Variants in WDR26 observed in about 807,000 individuals in gnomAD.
WDR26 encodes the protein WD repeat domain 26.
Under a neutral mutation model 84.1 loss-of-function variants are expected in WDR26, and 5 were observed. The ratio of observed to expected loss-of-function variants is 0.06; its 90% CI spans 0.03 to 0.13. The LOEUF (loss-of-function observed/expected upper bound fraction) is 0.13, where lower values mean the gene tolerates loss of function less well. WDR26 is among the 10% of genes least tolerant of loss of function. WDR26 has a pLI of 1.00. For missense variants in WDR26, 642 were observed against 974.9 expected (o/e 0.66, Z 4.55); for synonymous variants, 415 against 389.6 (o/e 1.07, Z -0.77).
chr1:224,432,997 GATC>G (rs1674443026), intron 1 of WDR26, among the ~76,000 whole-genome samples: 1 of 152,156 alleles, frequency 6.6e-6, no homozygotes, highest in African/African-American at 2.4e-5. Flanking sequence ...TTTCAGAGGC[GATC>G]ATCTTCTTGG....
chr1:224,415,075 A>G (rs540062737), intron 6 of WDR26, among the ~76,000 whole-genome samples: 2 of 152,214 alleles, frequency 1.3e-5, no homozygotes, highest in Non-Finnish European at 2.9e-5. Flanking sequence ...GTTTAGCAAT[A>G]AAGGGCATAA....
At chr1:224,415,902 T>C (rs766328187) in intron 6 of WDR26, among the ~76,000 whole-genome samples, 1 of 152,224 alleles carries the variant, frequency 6.6e-6, no homozygotes. Context: ...AAGGTGAAGA[T>C]ATAGGCTGGA....
chr1:224,409,723 C>T (rs753494054), intron 7 of WDR26, among the ~76,000 whole-genome samples: 8 of 151,514 alleles, frequency 5.3e-5, no homozygotes, highest in Non-Finnish European at 1.0e-4. Context: ...ATTAGCTGGG[C>T]GTCGTGGTGC....
chr1:224,390,257 C>T (rs10127953), intron 13 of WDR26, among the ~76,000 whole-genome samples: 42,254 of 152,020 alleles, frequency 0.28, 7,192 homozygotes, highest in African/African-American at 0.47. Flanking sequence ...GTAGCCAGGA[C>T]TACAGGCACA....
chr1:224,434,135 T>C lies in WDR26; in HGVS notation c.271A>G (p.Ser91Gly). 2.1e-6 allele frequency: 3 copies of C among 1,419,528 alleles called. No homozygotes were observed. Among genetic ancestry groups the C allele is most frequent in the Non-Finnish European group, 9.2e-7 (1 of 1,090,164 alleles). The allele number at this position is 1,419,528 out of a possible 1,614,324, so 87.9% of individuals were successfully genotyped here. The change falls in exon 1 of 14, where the codon AGC (serine) becomes GGC (glycine). Residue 91 changes from serine (S) to glycine (G), a missense_variant. By Grantham distance (56) the Ser-to-Gly change is moderately conservative. Transcript: ENST00000414423. ...CTGCCGCTGACCAGGCTGTGGCCGC[T>C]ACTTCGGTGGGGGACAGCAGCGGCG...
intron 8 of WDR26, among the ~76,000 whole-genome samples, chr1:224,402,597 T>C (rs544007986): frequency 1.7e-4 from 26 of 152,334 alleles, no homozygotes; most frequent in Admixed American, 7.8e-4. Flanking sequence ...ACAGTTTAAT[T>C]GGTCAAAGGA....
intron 4 of WDR26, 81 bp from the exon 5 acceptor site, chr1:224,419,696 G>C (rs1056289611): frequency 4.6e-6 from 5 of 1,090,148 alleles, no homozygotes; most frequent in Admixed American, 1.8e-5. Flanking sequence ...TGACCATCTG[G>C]CTATCTGCTT....
chr1:224,422,876 A>C (rs1674104559), intron 4 of WDR26, among the ~76,000 whole-genome samples: 1 of 152,240 alleles, frequency 6.6e-6, no homozygotes, highest in African/African-American at 2.4e-5. Flanking sequence ...CATACATGTC[A>C]AAGTTAAAAG....
intron 8 of WDR26, among the ~76,000 whole-genome samples, chr1:224,401,819 G>A (rs935869050): frequency 6.6e-6 from 1 of 151,384 alleles, no homozygotes; most frequent in Non-Finnish European, 1.5e-5. Flanking sequence ...GGTAGAAAGA[G>A]AGAAAAAAAC....
At chr1:224,410,215 A>T (rs1673696093) in intron 7 of WDR26, among the ~76,000 whole-genome samples, 1 of 140,230 alleles carries the variant, frequency 7.1e-6, no homozygotes, top group African/African-American at 2.7e-5. Context: ...CAGGAGGTGG[A>T]GGTTGCAGTG....
chr1:224,402,992 G>A (rs1022093534), intron 8 of WDR26, among the ~76,000 whole-genome samples: 2 of 151,932 alleles, frequency 1.3e-5, no homozygotes, highest in African/African-American at 4.8e-5. Flanking sequence ...AGTATTTAGG[G>A]TAAGATATCT....
Position 224,419,576 on chromosome 1 carries a change from T to A in WDR26, c.1104A>T (p.Lys368Asn). The change falls in exon 5 of 14, where the codon AAA becomes AAT. Residue 368 changes from lysine to asparagine, a missense_variant. This residue lies in a region of WDR26 where 351 missense variants were observed against 672.8 expected (regional missense o/e 0.52). Coordinates refer to ENST00000414423, the MANE Select transcript of WDR26 (RefSeq NM_001379403.1). ...CTGTCCCTTTGCCTTCCCATTCTGC[T>A]TTTGCACGTAGGTCTTCTGCATGGC... The A allele has an allele frequency of 1.9e-6, 3 of 1,614,114 alleles. No homozygotes were observed. The highest frequency in any genetic ancestry group is 2.5e-6 in the Non-Finnish European group (3 of 1,179,984).
In WDR26 at chr1:224,433,791, C is replaced by A. The variant is rs1407423971; in HGVS notation, c.615G>T (p.Leu205Phe). The A allele has an allele frequency of 6.5e-7, 1 of 1,536,852 alleles. No homozygotes were observed. The highest frequency in any genetic ancestry group is 8.7e-7 in the Non-Finnish European group (1 of 1,146,814). Reference sequence around the variant, plus strand: ...GGCTGCTGCCCAGTTCTGGGGTGGCCAAGGAAGAGGAGGCGGCGGTGGTGG... The same window carrying A: ...GGCTGCTGCCCAGTTCTGGGGTGGCAAAGGAAGAGGAGGCGGCGGTGGTGG... The change falls in exon 1 of 14, where the codon TTG becomes TTT. Residue 205 changes from leucine to phenylalanine, a missense_variant. Physicochemically the swap from Leu to Phe is conservative, Grantham distance 22. Around this residue, in one of 2 missense-constraint regions of WDR26, gnomAD observed 291 missense variants for 302.1 expected, o/e 0.96. Transcript: ENST00000414423.
intron 13 of WDR26, among the ~76,000 whole-genome samples, 198 bp from the exon 14 acceptor site, chr1:224,390,058 C>G (rs1341364130): frequency 2.6e-5 from 4 of 152,102 alleles, no homozygotes; most frequent in African/African-American, 9.7e-5. Flanking sequence ...TGTCTTAGAC[C>G]ATATATTATG....
intron 13 of WDR26, among the ~76,000 whole-genome samples, chr1:224,390,958 T>C (rs923266519): frequency 2.0e-4 from 31 of 152,206 alleles, no homozygotes; most frequent in African/African-American, 6.3e-4. Context: ...GTCTAGACTA[T>C]TTCATATAAA....
chr1:224,405,287 T>C (rs1279778613), intron 7 of WDR26, among the ~76,000 whole-genome samples: 2 of 152,254 alleles, frequency 1.3e-5, no homozygotes, highest in Non-Finnish European at 2.9e-5. Context: ...CTGAATAATA[T>C]TTAACAGTAT....
At chr1:224,405,238 G>A (rs955480932) in intron 7 of WDR26, among the ~76,000 whole-genome samples, 5 of 152,100 alleles carry the variant, frequency 3.3e-5, no homozygotes, top group Non-Finnish European at 4.4e-5. Flanking sequence ...GGGTTCATCC[G>A]TGTTATAGAA....
Position 224,386,263 on chromosome 1 carries a change from G to C in WDR26, c.*3572C>G, listed in dbSNP as rs1191869834. On this transcript the variant is annotated 3_prime_UTR_variant, in exon 14 of 14. Coordinates refer to ENST00000414423, the MANE Select transcript of WDR26 (RefSeq NM_001379403.1). ...TGTTGGAGGGCAACCCAAAAGGACA[G>C]TTGCGAAATTATGAATGAGAAATTA... 1.3e-5 allele frequency: 2 copies of C among 152,576 alleles called. No individual in the cohort carries two copies. Among genetic ancestry groups the C allele is most frequent in the Non-Finnish European group, 2.9e-5 (2 of 68,006 alleles). The allele number at this position is 152,576 out of a possible 1,614,324, so 9.5% of individuals were successfully genotyped here. A position where few individuals can be genotyped will look rare whatever the true frequency, so the allele number is the denominator to read the frequency against.
intron 1 of WDR26, among the ~76,000 whole-genome samples, chr1:224,432,740 CTGAA>C (rs1674430061): frequency 6.6e-6 from 1 of 152,220 alleles, no homozygotes; most frequent in Non-Finnish European, 1.5e-5. Flanking sequence ...AATCTACACT[CTGAA>C]TGTAGGAAAC....
Sources: allele counts gnomAD v4.1 joint callset (sites outside exome capture counted in the v4.1 genomes callset), GRCh38; gene constraint gnomAD v4.1.1; regional missense constraint gnomAD v4.1.1; transcripts MANE v1.5; gene names NCBI Gene and HGNC (gene_info 2026-07-23, HGNC 2026-07-21).